The following UNC45A variants were observed in gnomAD, a reference collection of about 807,000 sequenced individuals.
The protein encoded by UNC45A is protein unc-45 homolog A.
In UNC45A, 78 loss-of-function variants were observed where a neutral mutation model predicts 103.2. The observed-to-expected ratio is 0.76, with a 90% CI of 0.63 to 0.91. The LOEUF is 0.91. UNC45A is among the 40% of genes least tolerant of loss of function. The pLI, the probability that UNC45A is intolerant of heterozygous loss-of-function variation, is 0.00. For missense variants in UNC45A, 1,193 were observed against 1,224.8 expected, an observed-to-expected ratio of 0.97 and a Z score of 0.39; for synonymous variants, 495 against 504.6, an observed-to-expected ratio of 0.98 and a Z score of 0.25.
chr15:90,950,340 C>T, intron 16 of UNC45A, 73 bp downstream of exon 16: 1 of 1,511,882 alleles, frequency 6.6e-7, no homozygotes, highest in Non-Finnish European at 9.0e-7. Flanking sequence ...TGTAGCTCCC[C>T]TTTGGGACCA....
intron 15 of UNC45A, chr15:90,949,950 C>G (rs2036801392): frequency 1.5e-6 from 1 of 664,060 alleles, no homozygotes; most frequent in Admixed American, 2.8e-5. Flanking sequence ...TCTCATTTAC[C>G]CCCATGGCCC....
chr15:90,951,844 G>C (rs1255680902), intron 17 of UNC45A, among the ~76,000 whole-genome samples: 2 of 152,130 alleles, frequency 1.3e-5, no homozygotes, highest in Admixed American at 6.5e-5. Context: ...CTTGAGCCTG[G>C]GGGGGTCAAG....
At chr15:90,947,760 C>T in intron 10 of UNC45A, 36 bp from the exon 11 acceptor site, 4 of 1,542,556 alleles carry the variant, frequency 2.6e-6, no homozygotes, top group East Asian at 2.2e-5. Context: ...CTGCCTCCTT[C>T]CCCAGAGGCC....
chr15:90,949,338 C>T lies in UNC45A; in HGVS notation c.1901C>T (p.Ala634Val), dbSNP rs774780564. The T allele has an allele frequency of 2.5e-6, 4 of 1,612,944 alleles. No homozygotes were observed. The South Asian group carries it at 4.4e-5, about 18-fold the overall frequency. ...HPKDKPSFVR[A>V]RVKKLLAAGV... ...CAGGACAAGCCAAGCTTCGTGCGGG[C>T]TCGGGTGAAGAAGCTGCTGGCAGCG... Residue 634 changes from alanine (A) to valine (V), a missense_variant, in exon 14 of 20, where the codon GCT becomes GTT. Ala to Val is a moderately conservative substitution (Grantham distance 64). Coordinates refer to ENST00000418476, the MANE Select transcript of UNC45A (RefSeq NM_018671.5).
chr15:90,932,803 C>G, upstream of UNC45A: 1 of 376,364 alleles, frequency 2.7e-6, no homozygotes. Flanking sequence ...TGGGAGCCCA[C>G]AGTCTGTGGA....
upstream of UNC45A, chr15:90,934,109 CT>C (rs1370251074): frequency 2.8e-5 from 11 of 399,182 alleles, no homozygotes; most frequent in Non-Finnish European, 4.9e-5. Flanking sequence ...TGCTCTTCAG[CT>C]GGGTGACCCT....
chr15:90,934,323 C>G (rs888634089), upstream of UNC45A: 4 of 399,082 alleles, frequency 1.0e-5, no homozygotes, highest in South Asian at 1.3e-4. Context: ...TCTAGCACCC[C>G]CACCTCTCTC....
intron 9 of UNC45A, among the ~76,000 whole-genome samples, chr15:90,945,863 C>T (rs2036538454): frequency 6.7e-6 from 1 of 149,638 alleles, no homozygotes; most frequent in Non-Finnish European, 1.5e-5. Context: ...GAACTCCTGA[C>T]CTCACACCTG....
chr15:90,943,610 C>T (rs2036405809), intron 8 of UNC45A, among the ~76,000 whole-genome samples: 1 of 151,980 alleles, frequency 6.6e-6, no homozygotes, highest in African/African-American at 2.4e-5. Context: ...AAGTTAGACT[C>T]TTCTATCATA....
chr15:90,953,831 C>A lies in UNC45A; in HGVS notation c.*115C>A, dbSNP rs2037072201. On this transcript the variant is annotated 3_prime_UTR_variant, in exon 20 of 20. Coordinates refer to ENST00000418476, the MANE Select transcript of UNC45A (RefSeq NM_018671.5). ...TGGCATGCCCAATACTCTTGCCCAT[C>A]CTCGCTTGCTGCCCTAGGATGTCCT... The A allele has an allele frequency of 1.4e-6, 2 of 1,426,898 alleles. No individual in the cohort carries two copies. The highest frequency in any genetic ancestry group is 1.4e-5 in the African/African-American group (1 of 70,926). The allele number at this position is 1,426,898 out of a possible 1,614,324, so 88.4% of individuals were successfully genotyped here.
upstream of UNC45A, chr15:90,934,065 C>A: frequency 2.5e-6 from 1 of 399,076 alleles, no homozygotes; most frequent in Non-Finnish European, 4.4e-6. Flanking sequence ...AAGGTCAGGC[C>A]CCTTGCTGAC....
upstream of UNC45A, chr15:90,931,392 A>C: frequency 6.4e-7 from 1 of 1,572,828 alleles, no homozygotes; most frequent in Non-Finnish European, 8.6e-7. Context: ...CCTGGACTCG[A>C]TGTTCTGACC....
At chr15:90,939,877 A>AGCACCCTTCACCCATG in intron 5 of UNC45A, 54 bp downstream of exon 5, 1 of 1,555,410 alleles carries the variant, frequency 6.4e-7, no homozygotes, top group East Asian at 2.3e-5. Context: ...CCACCCATCC[A>AGCACCCTTCACCCATG]TAGGCCCCCG....
chr15:90,935,834 T>G (rs1467284134), intron 2 of UNC45A, 112 bp from the exon 3 acceptor site: 2 of 1,570,378 alleles, frequency 1.3e-6, no homozygotes, highest in African/African-American at 2.7e-5. Flanking sequence ...TTTTTGCACC[T>G]CAGGGTGGTG....
In UNC45A at chr15:90,944,914, G is replaced by A. The variant is rs771175867; in HGVS notation, c.1050G>A (p.Val350=). The A allele has an allele frequency of 2.5e-6, 4 of 1,612,226 alleles. No individual in the cohort carries two copies. Among genetic ancestry groups the A allele is most frequent in the Admixed American group, 1.7e-5 (1 of 59,988 alleles). ...IDQGLKKILE[V]GGSLQDPPGE... ...CAGGTCTGAAAAAGATTTTGGAAGT[G>A]GGGGGCTCTCTACAGGACCCTCCTG... The change falls in exon 9 of 20, where the codon GTG becomes GTA. Residue 350 remains valine, a synonymous_variant. Transcript: ENST00000418476.
chr15:90,947,774 T>G (rs2036647683), intron 10 of UNC45A, 22 bp from the exon 11 acceptor site: 2 of 1,591,752 alleles, frequency 1.3e-6, no homozygotes, highest in Admixed American at 3.3e-5. Context: ...AGAGGCCAAC[T>G]GGTCTTGCCC....
chr15:90,953,164 C>G lies in UNC45A; in HGVS notation c.2431C>G (p.Leu811Val). ...TCACATCTGGCCACAGGTGCAGGACCTCTTCGAAGCCCAGGGCAATGACCG... is the reference window on the plus strand; with the variant it reads ...TCACATCTGGCCACAGGTGCAGGACGTCTTCGAAGCCCAGGGCAATGACCG... The part of the protein sequence containing the change: ...NLAMSKEVQD[L>V]FEAQGNDRLK... Residue 811 changes from leucine (L) to valine (V), a missense_variant, in exon 19 of 20, where the codon CTC (leucine) becomes GTC (valine). Leu to Val is a conservative substitution (Grantham distance 32). Coordinates refer to ENST00000418476, the MANE Select transcript of UNC45A (RefSeq NM_018671.5). 1 of 1,613,586 alleles carries G rather than the reference C, an allele frequency of 6.2e-7. No individual in the cohort carries two copies. Among genetic ancestry groups the G allele is most frequent in the Non-Finnish European group, 8.5e-7 (1 of 1,179,806 alleles).
At chr15:90,937,958 T>A (rs1261435897) in intron 4 of UNC45A, among the ~76,000 whole-genome samples, 1 of 152,028 alleles carries the variant, frequency 6.6e-6, no homozygotes, top group African/African-American at 2.4e-5. Context: ...CACGCTCGCC[T>A]AATTTTTATA....
At chr15:90,930,629 A>T (rs2035757321), upstream of UNC45A, 1 of 152,838 alleles carries the variant, frequency 6.5e-6, no homozygotes, top group South Asian at 2.0e-4. Context: ...TCGGTCTCCC[A>T]GAGTGCTGGG....
Sources: allele counts gnomAD v4.1 joint callset (sites outside exome capture counted in the v4.1 genomes callset), GRCh38; gene constraint gnomAD v4.1.1; transcripts MANE v1.5; gene names NCBI Gene and HGNC (gene_info 2026-07-23, HGNC 2026-07-21).